The following EHBP1 variants were observed in gnomAD, a reference collection of about 807,000 sequenced individuals.
EHBP1 encodes the protein EH domain binding protein 1.
In EHBP1, 55 loss-of-function variants were observed where a neutral mutation model predicts 144.0. That is an observed-to-expected ratio of 0.38 (90% CI 0.31 to 0.48). The LOEUF is 0.48. Ranked by LOEUF, EHBP1 falls within the 20% of genes least tolerant of loss-of-function variation. EHBP1 has a pLI of 0.98. For synonymous variants in EHBP1, 469 were observed against 472.7 expected, an observed-to-expected ratio of 0.99 and a Z score of 0.10; for missense variants, 1,200 against 1,364.2, an observed-to-expected ratio of 0.88 and a Z score of 1.90.
At chr2:62,794,211 T>C (rs1573384987) in intron 5 of EHBP1, among the ~76,000 whole-genome samples, 1 of 152,108 alleles carries the variant, frequency 6.6e-6, no homozygotes, top group South Asian at 2.1e-4. Context: ...TTGGTGGACA[T>C]GATTAGTGAA....
intron 7 of EHBP1, among the ~76,000 whole-genome samples, chr2:62,835,409 C>G (rs12624283): frequency 4.6e-5 from 7 of 151,702 alleles, no homozygotes; most frequent in Non-Finnish European, 1.0e-4. Context: ...GGTATTCTCT[C>G]TAATAAATAA....
intron 7 of EHBP1, among the ~76,000 whole-genome samples, chr2:62,843,782 T>C (rs1341994080): frequency 6.6e-6 from 1 of 152,174 alleles, no homozygotes; most frequent in African/African-American, 2.4e-5. Context: ...AATGCATTAA[T>C]GTTAAAATAA....
chr2:62,706,989 A>G lies in EHBP1; in HGVS notation c.-203A>G, dbSNP rs373652898. 5.3e-4 allele frequency: 283 copies of G among 537,994 alleles called. 1 individual carries two copies. Among genetic ancestry groups the G allele is most frequent in the Non-Finnish European group, 2.9e-4 (87 of 297,402 alleles). The allele number at this position is 537,994 out of a possible 1,614,324, so 33.3% of individuals were successfully genotyped here. ...CCACTCATCCTGTCACGTATATCATAGTGTTCTTGACTGGGCCATTCATCT... is the reference window on the plus strand; with the variant it reads ...CCACTCATCCTGTCACGTATATCATGGTGTTCTTGACTGGGCCATTCATCT... On this transcript the variant is annotated 5_prime_UTR_variant, in exon 2 of 23. The change creates a new upstream start codon in the 5' untranslated region. Transcript: ENST00000431489.
At position 63,027,611 on chromosome 2, in the gene EHBP1, C is replaced by T. The variant is rs527723175; in HGVS notation, c.3104-9924C>T. ...TGTGGTTTGAGAACAAATGTGGGTGCGGACTGCAAGTGGGGAAGCATAATT... is the reference window on the plus strand; with the variant it reads ...TGTGGTTTGAGAACAAATGTGGGTGTGGACTGCAAGTGGGGAAGCATAATT... On this transcript the variant is annotated intron_variant, in intron 19 of 22. Coordinates refer to ENST00000431489, the MANE Select transcript of EHBP1 (RefSeq NM_001142616.3). Among the ~76,000 whole-genome samples, 8 of 152,246 alleles carry T rather than the reference C, an allele frequency of 5.3e-5. No individual in the cohort carries two copies. The East Asian group carries it at 7.7e-4, about 15-fold the overall frequency.
Position 62,785,106 on chromosome 2 carries a change from C to G in EHBP1, c.312+13714C>G, listed in dbSNP as rs180761960. On this transcript the variant is annotated intron_variant, in intron 5 of 22. Transcript: ENST00000431489. ...TACACATATATGTACCTGTGAACAA[C>G]TGAAACAAGTCTTACTCTTACAAGT... Among the ~76,000 whole-genome samples, 17 of 151,960 alleles carry G rather than the reference C, an allele frequency of 1.1e-4. 1 individual carries two copies. The highest frequency in any genetic ancestry group is 9.2e-4 in the Admixed American group (14 of 15,236).
At chr2:62,918,533 A>AGTTTGCT (rs1259461684) in intron 10 of EHBP1, among the ~76,000 whole-genome samples, 4 of 152,266 alleles carry the variant, frequency 2.6e-5, no homozygotes, top group African/African-American at 9.6e-5. Context: ...AAGCATCTCT[A>AGTTTGCT]GTTTGCTGTG....
At chr2:62,907,736 C>T (rs2053914773) in intron 10 of EHBP1, among the ~76,000 whole-genome samples, 1 of 152,226 alleles carries the variant, frequency 6.6e-6, no homozygotes, top group Admixed American at 6.5e-5. Context: ...TAGGGGGACA[C>T]AAGCATCCAG....
At chr2:62,833,417 G>A (rs1028854666) in intron 7 of EHBP1, among the ~76,000 whole-genome samples, 6 of 152,218 alleles carry the variant, frequency 3.9e-5, no homozygotes, top group African/African-American at 7.2e-5. Flanking sequence ...TCTATTGGAA[G>A]AAGATGCCAT....
At chr2:63,000,712 A>G (rs1223968567) in intron 19 of EHBP1, among the ~76,000 whole-genome samples, 1 of 152,146 alleles carries the variant, frequency 6.6e-6, no homozygotes, top group Non-Finnish European at 1.5e-5. Flanking sequence ...AACAACAACA[A>G]CAACAAAAAC....
chr2:62,902,557 T>C (rs911363027), intron 10 of EHBP1, among the ~76,000 whole-genome samples: 1 of 152,154 alleles, frequency 6.6e-6, no homozygotes, highest in Non-Finnish European at 1.5e-5. Context: ...TATGGATGGC[T>C]AAAGGGGTAT....
chr2:62,920,107 A>T (rs576937437), intron 10 of EHBP1, among the ~76,000 whole-genome samples: 4 of 152,346 alleles, frequency 2.6e-5, no homozygotes, highest in African/African-American at 9.6e-5. Flanking sequence ...TTCATGAAAG[A>T]CATGAATGTA....
chr2:62,821,310 A>G lies in EHBP1; in HGVS notation c.313-4777A>G, dbSNP rs1490934647. ...TTACTTATTGTGGGGTTCATAATAG[A>G]TGAAAAAGCATACAATGAACTATTA... On this transcript the variant is annotated intron_variant, in intron 5 of 22. Coordinates refer to ENST00000431489, the MANE Select transcript of EHBP1 (RefSeq NM_001142616.3). 4.6e-5 allele frequency among the ~76,000 whole-genome samples: 7 copies of G among 152,202 alleles called. No individual in the cohort carries two copies. In the East Asian group the frequency reaches 1.3e-3, roughly 29 times the overall value.
rs756786773 is a variant in EHBP1, at chr2:62,996,699, T to C, written c.3036T>C (p.Asn1012=). ...YVVGELAALE[N]EQKQIDTRAA... is the part of the protein sequence containing the mutation. ...TAGGAGAATTGGCAGCACTAGAGAA[T>C]GAGCAAAAGCAAATTGACACCCGTG... The change falls in exon 19 of 23, where the codon AAT becomes AAC. Residue 1012 remains asparagine, a synonymous_variant. Transcript: ENST00000431489. The C allele has an allele frequency of 3.7e-6, 6 of 1,613,358 alleles. No individual in the cohort carries two copies. The South Asian group carries it at 5.5e-5, about 15-fold the overall frequency.
At chr2:62,975,889 C>T (rs1281328579) in intron 14 of EHBP1, among the ~76,000 whole-genome samples, 20 of 23,310 alleles carry the variant, frequency 8.6e-4, no homozygotes, top group African/African-American at 2.5e-3. Flanking sequence ...ACTGTATGTA[C>T]ACACACACAC....
chr2:62,721,053 C>T (rs930692322), intron 2 of EHBP1, among the ~76,000 whole-genome samples: 62 of 152,310 alleles, frequency 4.1e-4, no homozygotes, highest in African/African-American at 1.4e-3. Context: ...TACCAGTTTT[C>T]TCACTAATAT....
chr2:62,675,739 A>G (rs1056264405), intron 1 of EHBP1, among the ~76,000 whole-genome samples: 2 of 152,188 alleles, frequency 1.3e-5, no homozygotes, highest in Non-Finnish European at 2.9e-5. Flanking sequence ...GTTTGAATTC[A>G]TGCAGAAGGA....
chr2:62,834,169 T>C, intron 7 of EHBP1, among the ~76,000 whole-genome samples: 1 of 152,252 alleles, frequency 6.6e-6, no homozygotes, highest in East Asian at 1.9e-4. Flanking sequence ...GTGAAGATGC[T>C]GTGAACGTTG....
rs370363480 is a variant in EHBP1, at chr2:62,865,019, C to G, written c.998+48C>G. ...TCATCACAAGTTAGTCTCTATGTTA[C>G]CTAAAGAGATCCTTTTGTAATGTAC... is the stretch of plus-strand genomic sequence containing the variant. On this transcript the variant is annotated intron_variant, in intron 9 of 22. Transcript: ENST00000431489. 8.8e-6 allele frequency: 14 copies of G among 1,583,930 alleles called. No homozygotes were observed. The Admixed American group carries it at 1.1e-4, about 12-fold the overall frequency.
intron 7 of EHBP1, among the ~76,000 whole-genome samples, chr2:62,846,661 A>G (rs2048321433): frequency 6.6e-6 from 1 of 152,192 alleles, no homozygotes. Context: ...ATCAATATAG[A>G]AAAATCTACT....
Sources: gnomAD v4.1 joint callset for allele counts (sites outside exome capture counted in the v4.1 genomes callset) on GRCh38, gnomAD v4.1.1 for gene constraint, MANE v1.5 for transcripts, NCBI Gene and HGNC (gene_info 2026-07-23, HGNC 2026-07-21) for gene names.